The following TRAPPC10 variants were observed in gnomAD, a reference collection of about 807,000 sequenced individuals.
The protein encoded by TRAPPC10 is trafficking protein particle complex subunit 10, also known as TRAPP 130 kDa subunit.
Under a neutral mutation model 125.5 loss-of-function variants are expected in TRAPPC10, and 23 were observed. The ratio of observed to expected loss-of-function variants is 0.18; its 90% CI spans 0.13 to 0.26. TRAPPC10 has a LOEUF of 0.26. TRAPPC10 is among the 10% of genes least tolerant of loss of function. TRAPPC10 has a pLI of 1.00. For synonymous variants in TRAPPC10, 509 were observed against 518.0 expected (o/e 0.98, Z 0.24); for missense variants, 1,123 against 1,308.4 (o/e 0.86, Z 2.19).
intron 5 of TRAPPC10, 59 bp downstream of exon 5, chr21:44,055,952 C>T: frequency 7.2e-7 from 1 of 1,397,188 alleles, no homozygotes; most frequent in Non-Finnish European, 9.7e-7. Context: ...TTTGTTCCCT[C>T]CCTCTCTCCT....
chr21:44,023,414 A>T (rs1165470816), intron 1 of TRAPPC10, among the ~76,000 whole-genome samples: 1 of 152,096 alleles, frequency 6.6e-6, no homozygotes, highest in African/African-American at 2.4e-5. Flanking sequence ...TTGTTCGTTT[A>T]GTATGGCTGT....
chr21:44,057,796 A>G (rs1475164497), intron 5 of TRAPPC10, among the ~76,000 whole-genome samples: 1 of 152,232 alleles, frequency 6.6e-6, no homozygotes, highest in Non-Finnish European at 1.5e-5. Context: ...GAGAGCTCTC[A>G]GTTCTCACCT....
intron 11 of TRAPPC10, among the ~76,000 whole-genome samples, chr21:44,079,213 C>G (rs2037499432): frequency 6.6e-6 from 1 of 152,166 alleles, no homozygotes; most frequent in Middle Eastern, 3.2e-3. Flanking sequence ...CTTCTCTTAG[C>G]CTTGGCCCTC....
At position 44,046,147 on chromosome 21, in the gene TRAPPC10, A is replaced by G. The variant is rs1052312946; in HGVS notation, c.286-6133A>G. On this transcript the variant is annotated intron_variant, in intron 3 of 22. Coordinates refer to ENST00000291574, the MANE Select transcript of TRAPPC10 (RefSeq NM_003274.5). ...CAGAATCAATAGCTTCTTTGAAGCC[A>G]CAGTGACCCTTAAATATGGTTAAGA... is the stretch of plus-strand genomic sequence containing the variant. 2.6e-5 allele frequency among the ~76,000 whole-genome samples: 4 copies of G among 152,362 alleles called. No individual in the cohort carries two copies. The East Asian group carries it at 7.7e-4, about 29-fold the overall frequency.
chr21:44,037,979 G>A (rs764717526), intron 3 of TRAPPC10, 52 bp downstream of exon 3: 110 of 1,595,892 alleles, frequency 6.9e-5, no homozygotes, highest in Middle Eastern at 6.3e-4. Flanking sequence ...TTGGAGATGC[G>A]TGGAGAGTGC....
chr21:44,038,261 C>T (rs1355686542), intron 3 of TRAPPC10, among the ~76,000 whole-genome samples: 3 of 152,142 alleles, frequency 2.0e-5, no homozygotes, highest in Non-Finnish European at 1.5e-5. Flanking sequence ...ACCGTGGCGC[C>T]GAGCGTGGTC....
chr21:44,065,487 C>T (rs1465957564), intron 7 of TRAPPC10, among the ~76,000 whole-genome samples: 1 of 152,214 alleles, frequency 6.6e-6, no homozygotes, highest in African/African-American at 2.4e-5. Flanking sequence ...ATAGCTATTG[C>T]ACCTCTTTGC....
chr21:44,081,111 A>G (rs1181976945), intron 13 of TRAPPC10, among the ~76,000 whole-genome samples: 1 of 139,890 alleles, frequency 7.1e-6, no homozygotes, highest in Non-Finnish European at 1.5e-5. Flanking sequence ...AACCTTCTGG[A>G]GTCAAGAGAT....
chr21:44,091,396 A>C (rs549896062), intron 18 of TRAPPC10, among the ~76,000 whole-genome samples: 7 of 152,138 alleles, frequency 4.6e-5, no homozygotes, highest in African/African-American at 1.7e-4. Context: ...TCTTTCTTCC[A>C]TTGCCTCACA....
rs2038249012 is a variant in TRAPPC10, at chr21:44,087,826, A to G, written c.2667A>G (p.Pro889=). ...AAGTTCTCTCTTTACCTTCAGCCCC[A>G]GCACTCGGAGGGGAGAGTGACATGC... is the stretch of plus-strand genomic sequence containing the variant. ...ELEVLSLPSA[P]ALGGESDMLG... is the part of the protein sequence containing the mutation. The change falls in exon 17 of 23, where the codon CCA becomes CCG. Residue 889 remains proline (P), a synonymous_variant. Transcript: ENST00000291574. The surrounding 1 kb of genome is among the most constrained non-coding windows in gnomAD (Gnocchi z 4.6). The G allele has an allele frequency of 6.8e-6, 11 of 1,614,112 alleles. No individual in the cohort carries two copies. Among genetic ancestry groups the G allele is most frequent in the Non-Finnish European group, 9.3e-6 (11 of 1,180,048 alleles).
Position 44,082,909 on chromosome 21 carries a change from G to T in TRAPPC10, c.1845G>T (p.Gln615His). The T allele has an allele frequency of 6.2e-7, 1 of 1,614,160 alleles. No individual in the cohort carries two copies. The highest frequency in any genetic ancestry group is 1.1e-5 in the South Asian group (1 of 91,080). ...VLCVEITMYS[Q>H]MPVPVHVEQI... ...GCGTTGAGATAACCATGTACAGCCA[G>T]ATGCCTGTGCCTGTTCACGTGGAGC... Residue 615 changes from glutamine (Q) to histidine (H), a missense_variant, in exon 14 of 23, where the codon CAG becomes CAT. By Grantham distance (24) the Gln-to-His change is conservative (BLOSUM62 0). Coordinates refer to ENST00000291574, the MANE Select transcript of TRAPPC10 (RefSeq NM_003274.5). The surrounding 1 kb of genome is among the most constrained non-coding windows in gnomAD (Gnocchi z 4.4).
intron 7 of TRAPPC10, among the ~76,000 whole-genome samples, chr21:44,067,425 CT>C (rs1342076869): frequency 1.3e-5 from 2 of 152,008 alleles, no homozygotes; most frequent in Non-Finnish European, 2.9e-5. Flanking sequence ...GGTGGAGGAT[CT>C]TGTGCACCCA....
rs780337145 is a variant in TRAPPC10 at position 44,087,970 on chromosome 21, G to GCCGC, written c.2769+48_2769+51dup. The GCCGC allele has an allele frequency of 1.3e-6, 2 of 1,531,206 alleles. No homozygotes were observed. Among genetic ancestry groups the GCCGC allele is most frequent in the African/African-American group, 2.8e-5 (2 of 72,618 alleles). 94.9% of individuals were successfully genotyped at this position (1,531,206 alleles called of 1,614,324 possible). On this transcript the variant is annotated intron_variant, in intron 17 of 22. Transcript: ENST00000291574. This position sits in a 1 kb window ranked among gnomAD's most constrained non-coding sequence, Gnocchi z 4.6. ...GAGGAGCTTAGCTTGTGGGGCGTCC[G>GCCGC]CCGCCCGCCTGCCTGCTGGGAAAGG... is the stretch of plus-strand genomic sequence containing the variant.
Position 44,016,944 on chromosome 21 carries a change from C to T in TRAPPC10, c.67+4384C>T, listed in dbSNP as rs141971256. 2.9e-3 allele frequency among the ~76,000 whole-genome samples: 435 copies of T among 152,326 alleles called. 2 individuals carry two copies. Among genetic ancestry groups the T allele is most frequent in the African/African-American group, 0.01 (423 of 41,562 alleles). On this transcript the variant is annotated intron_variant, in intron 1 of 22. Coordinates refer to ENST00000291574, the MANE Select transcript of TRAPPC10 (RefSeq NM_003274.5). ...TGCTGGGATTATAGGCATGAGCCACCGCGCCCAGCCAGGTTAAAGTTTTTA... is the reference window on the plus strand; with the variant it reads ...TGCTGGGATTATAGGCATGAGCCACTGCGCCCAGCCAGGTTAAAGTTTTTA...
rs1328283441 is a variant in TRAPPC10, at chr21:44,023,367, T to C, written c.68-8724T>C. On this transcript the variant is annotated intron_variant, in intron 1 of 22. Coordinates refer to ENST00000291574, the MANE Select transcript of TRAPPC10 (RefSeq NM_003274.5). ...CCATTTTCAAAGTGAGTTGGTTCAC[T>C]GGCATCTTTCAGAGGTGATCGGTTG... Among the ~76,000 whole-genome samples the C allele has an allele frequency of 2.0e-5, 3 of 152,108 alleles. No homozygotes were observed. In the East Asian group the frequency reaches 5.8e-4, roughly 29 times the overall value.
rs2035885450 is a variant in TRAPPC10 at position 44,059,616 on chromosome 21, C to G, written c.790+402C>G. On this transcript the variant is annotated intron_variant, in intron 6 of 22. Coordinates refer to ENST00000291574, the MANE Select transcript of TRAPPC10 (RefSeq NM_003274.5). The surrounding 1 kb of genome is among the most constrained non-coding windows in gnomAD (Gnocchi z 4.4). ...CATTGCTGTGAACTTATAAAATGCC[C>G]TTGGGTGTTCATCTTTCTTTTGCAC... 4.7e-6 allele frequency: 3 copies of G among 638,068 alleles called. No homozygotes were observed. Among genetic ancestry groups the G allele is most frequent in the South Asian group, 1.8e-5 (1 of 54,242 alleles). 39.5% of individuals were successfully genotyped at this position (638,068 alleles called of 1,614,324 possible). A position where few individuals can be genotyped will look rare whatever the true frequency, so the allele number is the denominator to read the frequency against.
chr21:44,024,379 C>G (rs897131885), intron 1 of TRAPPC10, among the ~76,000 whole-genome samples: 1 of 152,198 alleles, frequency 6.6e-6, no homozygotes, highest in Non-Finnish European at 1.5e-5. Flanking sequence ...GCATTTCTAA[C>G]AAATGCCCAG....
chr21:44,059,171 G>A lies in TRAPPC10; in HGVS notation c.747G>A (p.Leu249=), dbSNP rs1261389219. 4 of 1,612,074 alleles carry A rather than the reference G, an allele frequency of 2.5e-6. No homozygotes were observed. The South Asian group carries it at 3.3e-5, about 13-fold the overall frequency. The change falls in exon 6 of 23, where the codon CTG becomes CTA. Residue 249 remains leucine, a synonymous_variant. Coordinates refer to ENST00000291574, the MANE Select transcript of TRAPPC10 (RefSeq NM_003274.5). The surrounding 1 kb of genome is among the most constrained non-coding windows in gnomAD (Gnocchi z 4.4). ...ACGCCCTGGTGCAGTACGACGAACTGGACGCCCTCTTCTCTCAGTATGTGG... is the reference window on the plus strand; with the variant it reads ...ACGCCCTGGTGCAGTACGACGAACTAGACGCCCTCTTCTCTCAGTATGTGG... The part of the protein sequence containing the change: ...FEDALVQYDE[L]DALFSQYVVN...
rs750386909 is a variant in TRAPPC10 at position 44,041,310 on chromosome 21, C to G, written c.285+3383C>G. 8.6e-5 allele frequency among the ~76,000 whole-genome samples: 13 copies of G among 151,512 alleles called. 1 individual carries two copies. The highest frequency in any genetic ancestry group is 8.8e-5 in the Non-Finnish European group (6 of 67,912). The stretch of plus-strand genomic sequence containing the variant: ...TGCTAATTTTGATAAAGTACATTTT[C>G]TTGGAAATTACGTATTTCGGTTAAG... On this transcript the variant is annotated intron_variant, in intron 3 of 22. Transcript: ENST00000291574.
Sources: allele counts gnomAD v4.1 joint callset (sites outside exome capture counted in the v4.1 genomes callset), GRCh38; gene constraint gnomAD v4.1.1; non-coding constraint Gnocchi (gnomAD v3.1); transcripts MANE v1.5; gene names NCBI Gene and HGNC (gene_info 2026-07-23, HGNC 2026-07-21).